MYRIP: variants seen among roughly 807,000 people sequenced by gnomAD.
MYRIP encodes the protein rab effector MyRIP.
A neutral mutation model predicts 98.0 loss-of-function variants in MYRIP; 49 were observed. The ratio of observed to expected loss-of-function variants is 0.50; its 90% confidence interval spans 0.40 to 0.63. The LOEUF (loss-of-function observed/expected upper bound fraction) is 0.63. MYRIP is among the 30% of genes least tolerant of loss of function. MYRIP has a pLI of 0.00. For synonymous variants in MYRIP, 404 were observed against 409.5 expected (o/e 0.99, Z 0.16); for missense variants, 1,004 against 1,058.2 (o/e 0.95, Z 0.71).
intron 11 of MYRIP, among the ~76,000 whole-genome samples, chr3:40,218,621 TATATATATATATATA>T (rs1575647218): frequency 1.2e-4 from 10 of 81,520 alleles, no homozygotes; most frequent in East Asian, 2.7e-4. Context: ...TTTATATATA[TATATATATATATATA>T]TATATATATA....
chr3:40,183,648 A>T (rs185806295), intron 9 of MYRIP, among the ~76,000 whole-genome samples: 273 of 152,088 alleles, frequency 1.8e-3, no homozygotes, highest in Non-Finnish European at 3.3e-3. Flanking sequence ...GCACAGGTCT[A>T]CTCCTCTCTT....
At chr3:40,146,695 G>T (rs555025386) in intron 3 of MYRIP, among the ~76,000 whole-genome samples, 1 of 152,124 alleles carries the variant, frequency 6.6e-6, no homozygotes, top group Non-Finnish European at 1.5e-5. Context: ...CTGTGTGCCT[G>T]CATGAATACA....
intron 16 of MYRIP, among the ~76,000 whole-genome samples, chr3:40,254,674 C>T (rs1392754624): frequency 1.3e-5 from 2 of 152,142 alleles, no homozygotes; most frequent in African/African-American, 4.8e-5. Flanking sequence ...AAAGGAGAGG[C>T]AGGCTTGCAT....
At chr3:40,030,546 C>T (rs1575478471) in intron 2 of MYRIP, among the ~76,000 whole-genome samples, 1 of 152,226 alleles carries the variant, frequency 6.6e-6, no homozygotes, top group East Asian at 1.9e-4. Context: ...TATCAGCACT[C>T]ATCATAATAA....
At chr3:40,041,022 G>GAAAAAAAAAAAAA in intron 2 of MYRIP, among the ~76,000 whole-genome samples, 5 of 41,196 alleles carry the variant, frequency 1.2e-4, no homozygotes, top group African/African-American at 1.8e-4. Flanking sequence ...ATTACCAGCA[G>GAAAAAAAAAAAAA]AAAAAAAAAA....
At chr3:40,156,596 T>C (rs1950247056) in intron 4 of MYRIP, among the ~76,000 whole-genome samples, 1 of 151,916 alleles carries the variant, frequency 6.6e-6, no homozygotes, top group African/African-American at 2.4e-5. Flanking sequence ...TATGGCCATT[T>C]TCACGATATT....
chr3:39,830,608 A>C (rs1678667353), intron 1 of MYRIP, among the ~76,000 whole-genome samples: 1 of 152,190 alleles, frequency 6.6e-6, no homozygotes, highest in South Asian at 2.1e-4. Context: ...GACCAATATG[A>C]AATGTCGCTC....
In MYRIP at chr3:40,259,754, A is replaced by AAAT. The variant is rs1453883297; in HGVS notation, c.*1591_*1593dup. The AAAT allele has an allele frequency of 6.6e-6, 1 of 152,628 alleles. No homozygotes were observed. Among genetic ancestry groups the AAAT allele is most frequent in the Non-Finnish European group, 1.5e-5 (1 of 68,040 alleles). The allele number at this position is 152,628 out of a possible 1,614,324, so 9.5% of individuals were successfully genotyped here. ...TCATCTAACAGAAATGACTCCTTTG[A>AAAT]AATAAGTAAATCTTTGGCTTTTTGT... is the stretch of plus-strand genomic sequence containing the variant. On this transcript the variant is annotated 3_prime_UTR_variant, in exon 17 of 17. Coordinates refer to ENST00000302541, the MANE Select transcript of MYRIP (RefSeq NM_015460.4).
intron 2 of MYRIP, among the ~76,000 whole-genome samples, chr3:39,995,051 C>A (rs1290587937): frequency 2.0e-5 from 3 of 151,850 alleles, no homozygotes. Context: ...TCACCATCAT[C>A]AAAGACCAAA....
intron 10 of MYRIP, chr3:40,208,937 G>A (rs1951849244): frequency 6.6e-6 from 1 of 152,208 alleles, no homozygotes; most frequent in African/African-American, 2.4e-5. Context: ...TCAGATAGAA[G>A]GAATGAGTTC....
At chr3:40,090,254 T>C (rs1948716372) in intron 3 of MYRIP, among the ~76,000 whole-genome samples, 1 of 152,098 alleles carries the variant, frequency 6.6e-6, no homozygotes, top group Admixed American at 6.6e-5. Flanking sequence ...GAGATCCAGG[T>C]GCTGGCTGGT....
At chr3:40,248,812 C>A (rs1202452369) in intron 13 of MYRIP, among the ~76,000 whole-genome samples, 1 of 152,200 alleles carries the variant, frequency 6.6e-6, no homozygotes, top group Non-Finnish European at 1.5e-5. Context: ...CAAAAGAATG[C>A]AGTTCTTAAT....
At chr3:39,824,855 A>T (rs1164266388) in intron 1 of MYRIP, among the ~76,000 whole-genome samples, 1 of 152,136 alleles carries the variant, frequency 6.6e-6, no homozygotes, top group Admixed American at 6.6e-5. Flanking sequence ...AATTGTGACT[A>T]TAGGCATATG....
At chr3:39,813,611 C>A (rs905706119) in intron 1 of MYRIP, among the ~76,000 whole-genome samples, 12 of 152,170 alleles carry the variant, frequency 7.9e-5, no homozygotes, top group African/African-American at 2.9e-4. Context: ...AGACAACATC[C>A]CTAGCTGAGT....
intron 3 of MYRIP, among the ~76,000 whole-genome samples, chr3:40,119,779 G>A (rs1403103869): frequency 2.0e-5 from 3 of 152,066 alleles, no homozygotes; most frequent in Non-Finnish European, 4.4e-5. Flanking sequence ...GGTGGGGGGA[G>A]CAGGGAGGGA....
intron 8 of MYRIP, among the ~76,000 whole-genome samples, 185 bp downstream of exon 8, chr3:40,170,278 C>T (rs1575593328): frequency 6.6e-6 from 1 of 152,154 alleles, no homozygotes; most frequent in African/African-American, 2.4e-5. Context: ...GAGAGAAAAA[C>T]ACAAATGGTC....
Position 40,176,587 on chromosome 3 carries a change from AAAAAAT to A in MYRIP, c.874-5620_874-5615del, listed in dbSNP as rs1206521062. ...CAATACAGTGAGACCCCATCTCTAC[AAAAAAT>A]AAAAATAAAAATTAGTTGGGTGGGC... On this transcript the variant is annotated intron_variant, in intron 8 of 16. Coordinates refer to ENST00000302541, the MANE Select transcript of MYRIP (RefSeq NM_015460.4). Among the ~76,000 whole-genome samples, 53 of 152,052 alleles carry A rather than the reference AAAAAAT, an allele frequency of 3.5e-4. 1 individual carries two copies. The highest frequency in any genetic ancestry group is 3.3e-3 in the Admixed American group (50 of 15,264).
At chr3:39,815,366 C>T (rs1347922501) in intron 1 of MYRIP, among the ~76,000 whole-genome samples, 1 of 152,034 alleles carries the variant, frequency 6.6e-6, no homozygotes, top group Non-Finnish European at 1.5e-5. Context: ...ATCATTGCTT[C>T]ATTCCTTTTT....
intron 1 of MYRIP, among the ~76,000 whole-genome samples, chr3:39,848,135 C>T (rs985111781): frequency 2.6e-5 from 4 of 152,182 alleles, no homozygotes; most frequent in Non-Finnish European, 5.9e-5. Flanking sequence ...CCCAGCTGAG[C>T]CTCACAGATA....
Sources: allele counts gnomAD v4.1 joint callset (sites outside exome capture counted in the v4.1 genomes callset), GRCh38; gene constraint gnomAD v4.1.1; transcripts MANE v1.5; gene names NCBI Gene and HGNC (gene_info 2026-07-23, HGNC 2026-07-21).